Variants in IQGAP3 observed in about 807,000 individuals in gnomAD.
IQGAP3 encodes the protein ras GTPase-activating-like protein IQGAP3.
In IQGAP3, 165 loss-of-function variants were observed where a neutral mutation model predicts 208.2. That is an observed-to-expected ratio of 0.79 (90% CI 0.70 to 0.90). IQGAP3 has a LOEUF of 0.90. IQGAP3 is among the 40% of genes least tolerant of loss of function. IQGAP3 has a pLI of 0.00. For missense variants in IQGAP3, 1,811 were observed against 2,043.1 expected, an observed-to-expected ratio of 0.89 and a Z score of 2.19; for synonymous variants, 703 against 803.6, an observed-to-expected ratio of 0.87 and a Z score of 2.12.
intron 16 of IQGAP3, 92 bp downstream of exon 16, chr1:156,550,169 G>T: frequency 1.2e-6 from 1 of 833,148 alleles, no homozygotes. Context: ...GGGAGAGGGT[G>T]GTGACCAGGG....
At chr1:156,550,409 C>T in intron 15 of IQGAP3, 58 bp from the exon 16 acceptor site, 1 of 1,381,906 alleles carries the variant, frequency 7.2e-7, no homozygotes, top group Admixed American at 1.8e-5. Context: ...TCTAGGTTCC[C>T]AGGCCAAGAT....
intron 27 of IQGAP3, among the ~76,000 whole-genome samples, chr1:156,535,512 C>A (rs1674648777): frequency 6.6e-6 from 1 of 152,186 alleles, no homozygotes; most frequent in Non-Finnish European, 1.5e-5. Context: ...CAGCCTCCAA[C>A]CTGGCTCGAG....
At chr1:156,544,507 C>T (rs1401458439) in intron 19 of IQGAP3, 35 bp from the exon 20 acceptor site, 3 of 1,568,990 alleles carry the variant, frequency 1.9e-6, no homozygotes, top group Admixed American at 1.7e-5. Flanking sequence ...GTAACTCAAG[C>T]AGGTCTCCTT....
Position 156,539,832 on chromosome 1 carries a change from G to C in IQGAP3, c.2892+6C>G, listed in dbSNP as rs962221709. The C allele has an allele frequency of 2.5e-6, 4 of 1,614,078 alleles. No homozygotes were observed. The highest frequency in any genetic ancestry group is 2.2e-5 in the East Asian group (1 of 44,868). ...GAGACTTCTCCTTGGAAAGTCCTCT[G>C]CTAACCTGGAGCAGGTAGAAGAGGT... On this transcript the variant is annotated splice_donor_region_variant and intron_variant, in intron 24 of 37. Coordinates refer to ENST00000361170, the MANE Select transcript of IQGAP3 (RefSeq NM_178229.5).
Position 156,538,817 on chromosome 1 carries a change from C to G in IQGAP3, c.3273G>C (p.Gly1091=), listed in dbSNP as rs755346623. The G allele has an allele frequency of 6.2e-7, 1 of 1,613,912 alleles. No homozygotes were observed. The highest frequency in any genetic ancestry group is 8.5e-7 in the Non-Finnish European group (1 of 1,179,902). The change falls in exon 26 of 38, where the codon GGG becomes GGC. Residue 1091 remains glycine (G), a synonymous_variant. Transcript: ENST00000361170. ...TCTGCCCATGTGCTCACCTGCGCTG[C>G]CCTGTCTGGGCCTCAGTCTGGTTGA... is the stretch of plus-strand genomic sequence containing the variant. ...NWINQTEAQT[G]QRSHLPYDVT...
In IQGAP3 at chr1:156,530,325, C is replaced by G; in HGVS notation, c.4192-8G>C. On this transcript the variant is annotated splice_polypyrimidine_tract_variant and splice_region_variant and intron_variant, in intron 33 of 37. Coordinates refer to ENST00000361170, the MANE Select transcript of IQGAP3 (RefSeq NM_178229.5). ...CTGCTTGTGGGCTGCTTCCTGGGGA[C>G]ACACAGACGCTGGAGGGGTCTACCA... The G allele has an allele frequency of 6.2e-7, 1 of 1,603,202 alleles. No individual in the cohort carries two copies. Among genetic ancestry groups the G allele is most frequent in the East Asian group, 2.2e-5 (1 of 44,806 alleles).
chr1:156,569,482 TA>T lies in IQGAP3; in HGVS notation c.38-20del. On this transcript the variant is annotated intron_variant, in intron 1 of 37. Transcript: ENST00000361170. ...CGTTCATCTGAGGAGTTAAACGGGATAAGGTCAATGAAGAGAGCATTAGAGG... is the reference window on the plus strand; with the variant it reads ...CGTTCATCTGAGGAGTTAAACGGGATAGGTCAATGAAGAGAGCATTAGAGG... 1 of 1,500,128 alleles carries T rather than the reference TA, an allele frequency of 6.7e-7. No individual in the cohort carries two copies. The highest frequency in any genetic ancestry group is 9.2e-7 in the Non-Finnish European group (1 of 1,087,678). 92.9% of individuals were successfully genotyped at this position (1,500,128 alleles called of 1,614,324 possible).
chr1:156,527,899 C>T, intron 37 of IQGAP3, 53 bp downstream of exon 37: 1 of 1,273,530 alleles, frequency 7.9e-7, no homozygotes, highest in Non-Finnish European at 1.1e-6. Flanking sequence ...CTCTTCAGGC[C>T]AGCACCTAAA....
At chr1:156,549,060 C>T (rs1320459393) in intron 16 of IQGAP3, among the ~76,000 whole-genome samples, 1 of 152,158 alleles carries the variant, frequency 6.6e-6, no homozygotes, top group Non-Finnish European at 1.5e-5. Flanking sequence ...AGCAGTGGCT[C>T]CTGCCTGTAA....
intron 7 of IQGAP3, 36 bp downstream of exon 7, chr1:156,563,517 G>T: frequency 6.4e-7 from 1 of 1,555,298 alleles, no homozygotes. Context: ...CATACGCATT[G>T]AGCCTACTCC....
At chr1:156,532,088 A>G (rs995858361) in intron 32 of IQGAP3, among the ~76,000 whole-genome samples, 6 of 152,104 alleles carry the variant, frequency 3.9e-5, no homozygotes. Context: ...ATCACACTCA[A>G]CAAGAATGCG....
chr1:156,526,396 A>T lies in IQGAP3; in HGVS notation c.*90T>A, dbSNP rs6427315. On this transcript the variant is annotated 3_prime_UTR_variant, in exon 38 of 38. Coordinates refer to ENST00000361170, the MANE Select transcript of IQGAP3 (RefSeq NM_178229.5). ...TGGGCCTTGCCCAGTCCTGAGCTCT[A>T]GGTGTCTGCAGGGAAGCACAGTGGT... is the stretch of plus-strand genomic sequence containing the variant. 1 of 866,848 alleles carries T rather than the reference A, an allele frequency of 1.2e-6. No homozygotes were observed. The highest frequency in any genetic ancestry group is 1.6e-5 in the African/African-American group (1 of 60,654). 53.7% of individuals were successfully genotyped at this position (866,848 alleles called of 1,614,324 possible). A position where few individuals can be genotyped will look rare whatever the true frequency, so the allele number is the denominator to read the frequency against.
chr1:156,551,744 G>A lies in IQGAP3; in HGVS notation c.1695C>T (p.Tyr565=). The change falls in exon 15 of 38, where the codon TAC becomes TAT. Residue 565 remains tyrosine, a synonymous_variant. Coordinates refer to ENST00000361170, the MANE Select transcript of IQGAP3 (RefSeq NM_178229.5). ...TTTTGGCTGCCACAAGGAGGAGATG[G>A]TACCGAGGGGCGACAGGGAGGCTGA... ...DDVSLPVAPR[Y]HLLLVAAKRQ... The A allele has an allele frequency of 2.5e-6, 4 of 1,613,692 alleles. No individual in the cohort carries two copies. Among genetic ancestry groups the A allele is most frequent in the Non-Finnish European group, 3.4e-6 (4 of 1,179,944 alleles).
At chr1:156,554,094 G>T in intron 13 of IQGAP3, 141 bp downstream of exon 13, 1 of 957,632 alleles carries the variant, frequency 1.0e-6, no homozygotes. Flanking sequence ...ACAGGCCAAG[G>T]AACTGTGAAC....
At chr1:156,529,158 G>A (rs1674259207) in intron 34 of IQGAP3, 76 bp from the exon 35 acceptor site, 8 of 1,454,436 alleles carry the variant, frequency 5.5e-6, no homozygotes, top group Non-Finnish European at 7.6e-6. Context: ...ACAGGCCCAA[G>A]AGCTACACAC....
chr1:156,566,559 G>C lies in IQGAP3; in HGVS notation c.126-13C>G. On this transcript the variant is annotated splice_polypyrimidine_tract_variant and intron_variant, in intron 2 of 37. Transcript: ENST00000361170. ...GGCCTCCATCCAGCTATGAACATGA[G>C]AACACCTTCTCACGCACTCTGGCAG... 6.2e-7 allele frequency: 1 copy of C among 1,613,486 alleles called. No individual in the cohort carries two copies. Among genetic ancestry groups the C allele is most frequent in the Non-Finnish European group, 8.5e-7 (1 of 1,179,642 alleles).
intron 26 of IQGAP3, among the ~76,000 whole-genome samples, chr1:156,537,911 C>CG (rs1259084906): frequency 7.8e-5 from 11 of 140,660 alleles, no homozygotes; most frequent in Non-Finnish European, 3.1e-5. Flanking sequence ...TTTTTTTTTG[C>CG]GGGGGGACAG....
At chr1:156,534,213 C>G (rs1674570935) in intron 29 of IQGAP3, 72 bp from the exon 30 acceptor site, 3 of 1,598,476 alleles carry the variant, frequency 1.9e-6, no homozygotes, top group Non-Finnish European at 2.6e-6. Context: ...CCCATCATTT[C>G]CCCAGCCTTC....
chr1:156,551,655 G>T, intron 15 of IQGAP3, 50 bp downstream of exon 15: 1 of 1,560,234 alleles, frequency 6.4e-7, no homozygotes, highest in South Asian at 1.2e-5. Flanking sequence ...GCAACCCACA[G>T]AGAATGTTCT....
Sources: allele counts gnomAD v4.1 joint callset (sites outside exome capture counted in the v4.1 genomes callset), GRCh38; gene constraint gnomAD v4.1.1; transcripts MANE v1.5; gene names NCBI Gene and HGNC (gene_info 2026-07-23, HGNC 2026-07-21).